The following STK3 variants were observed in gnomAD, a reference collection of about 807,000 sequenced individuals.
STK3 encodes serine/threonine kinase 3, also known as serine/threonine-protein kinase 3.
In STK3, 41 loss-of-function variants were observed where a neutral mutation model predicts 58.0. That is an observed-to-expected ratio of 0.71 (90% CI 0.55 to 0.92). The LOEUF (loss-of-function observed/expected upper bound fraction) is 0.92, where lower values mean the gene tolerates loss of function less well. Ranked by LOEUF, STK3 falls within the 40% of genes least tolerant of loss-of-function variation. The pLI is 0.00. For synonymous variants in STK3, 170 were observed against 191.0 expected (o/e 0.89, Z 0.91); for missense variants, 479 against 602.7 (o/e 0.79, Z 2.15).
At chr8:98,357,165 C>T in the STK3 span, among the ~76,000 whole-genome samples, 2 of 152,112 alleles carry the variant, frequency 1.3e-5, no homozygotes, top group Non-Finnish European at 2.9e-5. Flanking sequence ...TGGGTTCTGG[C>T]CTTATTAGCT....
intron 1 of STK3, among the ~76,000 whole-genome samples, chr8:98,379,663 A>C (rs2130999323): frequency 6.6e-6 from 1 of 152,338 alleles, no homozygotes; most frequent in East Asian, 1.9e-4. Flanking sequence ...TCCCCAGGAT[A>C]ATCAGACCCT....
At chr8:98,500,946 A>G (rs1166850320) in intron 10 of STK3, among the ~76,000 whole-genome samples, 1 of 152,182 alleles carries the variant, frequency 6.6e-6, no homozygotes, top group Non-Finnish European at 1.5e-5. Context: ...CTCTGGGTCA[A>G]ATGGTATTTC....
At chr8:98,830,112 C>G (rs1226120098), upstream of STK3, among the ~76,000 whole-genome samples, 2 of 152,052 alleles carry the variant, frequency 1.3e-5, no homozygotes, top group Admixed American at 1.3e-4. Flanking sequence ...ACCTGTAGTC[C>G]CAGCTACTCA....
At chr8:98,885,116 G>T (rs1837935046) in intron 1 of STK3, among the ~76,000 whole-genome samples, 1 of 152,184 alleles carries the variant, frequency 6.6e-6, no homozygotes, top group African/African-American at 2.4e-5. Context: ...ACATTATTAT[G>T]GAGAATGGCC....
At chr8:98,567,950 C>T (rs928106322) in intron 8 of STK3, among the ~76,000 whole-genome samples, 11 of 151,862 alleles carry the variant, frequency 7.2e-5, no homozygotes, top group African/African-American at 2.4e-4. Flanking sequence ...CCCAGCTACT[C>T]GGGAGACTGA....
intron 6 of STK3, among the ~76,000 whole-genome samples, chr8:98,616,764 A>G (rs1817763772): frequency 6.6e-6 from 1 of 151,730 alleles, no homozygotes; most frequent in South Asian, 2.1e-4. Flanking sequence ...AGAGCTAACT[A>G]TACTAAATAT....
chr8:98,614,316 G>C (rs1416482666), intron 6 of STK3, among the ~76,000 whole-genome samples: 1 of 152,094 alleles, frequency 6.6e-6, no homozygotes, highest in African/African-American at 2.4e-5. Context: ...GAACTGAACA[G>C]AGTAGAGTCT....
At chr8:98,629,027 C>T (rs917836759) in intron 6 of STK3, among the ~76,000 whole-genome samples, 5 of 152,054 alleles carry the variant, frequency 3.3e-5, no homozygotes, top group African/African-American at 1.2e-4. Flanking sequence ...GGAATTTGTA[C>T]AGTGATAGTT....
At chr8:98,721,183 C>A (rs1430188827) in intron 4 of STK3, 2 of 892,698 alleles carry the variant, frequency 2.2e-6, no homozygotes, top group Non-Finnish European at 2.7e-6. Flanking sequence ...ATATATAAAT[C>A]AAAGATTTAA....
At chr8:98,856,878 C>G (rs1376505502) in intron 3 of STK3, among the ~76,000 whole-genome samples, 1 of 152,098 alleles carries the variant, frequency 6.6e-6, no homozygotes, top group Non-Finnish European at 1.5e-5. Context: ...GGCCATAAAA[C>G]AGAACAAAGT....
intron 10 of STK3, among the ~76,000 whole-genome samples, chr8:98,495,248 A>T (rs1483297893): frequency 6.6e-6 from 1 of 152,180 alleles, no homozygotes; most frequent in East Asian, 1.9e-4. Context: ...TCACGTTTCA[A>T]ACAGGAGGAA....
At chr8:98,486,302 G>T (rs1293585436) in intron 10 of STK3, among the ~76,000 whole-genome samples, 3 of 152,096 alleles carry the variant, frequency 2.0e-5, no homozygotes, top group Non-Finnish European at 2.9e-5. Flanking sequence ...ATGATAAAAA[G>T]AATAAAACGT....
At chr8:98,421,002 T>C (rs1011718015) in intron 3 of STK3, among the ~76,000 whole-genome samples, 4 of 152,230 alleles carry the variant, frequency 2.6e-5, no homozygotes, top group African/African-American at 9.6e-5. Context: ...CTGGGACAGC[T>C]AGCTTCATGG....
At chr8:98,496,250 T>C (rs868796464) in intron 10 of STK3, among the ~76,000 whole-genome samples, 5 of 152,256 alleles carry the variant, frequency 3.3e-5, no homozygotes, top group Middle Eastern at 3.4e-3. Flanking sequence ...TATGATCTTA[T>C]ATGTAGAAAA....
intron 9 of STK3, among the ~76,000 whole-genome samples, chr8:98,528,652 A>C (rs1460702428): frequency 6.6e-6 from 1 of 152,080 alleles, no homozygotes; most frequent in African/African-American, 2.4e-5. Context: ...ATGCCCGGCT[A>C]ATTTTGTATT....
At chr8:98,745,398 C>G (rs1829574603) in intron 4 of STK3, among the ~76,000 whole-genome samples, 1 of 152,048 alleles carries the variant, frequency 6.6e-6, no homozygotes, top group African/African-American at 2.4e-5. Flanking sequence ...CTGCTAATAA[C>G]AAAACTTGTA....
intron 8 of STK3, among the ~76,000 whole-genome samples, chr8:98,554,010 G>A (rs1221806853): frequency 6.6e-6 from 1 of 151,852 alleles, no homozygotes; most frequent in Non-Finnish European, 1.5e-5. Flanking sequence ...TTCCTCTTAG[G>A]CAAAGGAACC....
intron 1 of STK3, among the ~76,000 whole-genome samples, chr8:98,802,344 C>T (rs1209163550): frequency 6.6e-6 from 1 of 152,060 alleles, no homozygotes; most frequent in Non-Finnish European, 1.5e-5. Flanking sequence ...TCAAATTATA[C>T]CACAGATAAT....
At chr8:98,744,919 G>A (rs1469443242) in intron 4 of STK3, among the ~76,000 whole-genome samples, 2 of 151,602 alleles carry the variant, frequency 1.3e-5, no homozygotes, top group Non-Finnish European at 2.9e-5. Context: ...AAAAAGTGCT[G>A]TATACCCCTA....
Sources: gnomAD v4.1 joint callset for allele counts (sites outside exome capture counted in the v4.1 genomes callset) on GRCh38, gnomAD v4.1.1 for gene constraint, MANE v1.5 for transcripts, NCBI Gene and HGNC (gene_info 2026-07-23, HGNC 2026-07-21) for gene names.